Variants in RSPO4 observed in about 807,000 individuals in gnomAD.
RSPO4 encodes R-spondin-4.
In RSPO4, 23 loss-of-function variants were observed where a neutral mutation model predicts 24.8. That is an observed-to-expected ratio of 0.93 (90% CI 0.67 to 1.31). The LOEUF (loss-of-function observed/expected upper bound fraction) is 1.31. Among genes scored for constraint, RSPO4 ranks in the 40% most tolerant of loss-of-function variants. RSPO4 has a pLI of 0.00. For missense variants in RSPO4, 333 were observed against 316.5 expected, an observed-to-expected ratio of 1.05 and a Z score of -0.39; for synonymous variants, 141 against 127.4, an observed-to-expected ratio of 1.11 and a Z score of -0.72.
At chr20:960,852 C>T (rs533448847) in intron 4 of RSPO4, among the ~76,000 whole-genome samples, 7 of 152,342 alleles carry the variant, frequency 4.6e-5, no homozygotes, top group South Asian at 2.1e-4. Flanking sequence ...GTGCTGGACG[C>T]TGGACACCTT....
At chr20:965,186 G>A (rs1275014847) in intron 3 of RSPO4, among the ~76,000 whole-genome samples, 1 of 152,102 alleles carries the variant, frequency 6.6e-6, no homozygotes, top group Non-Finnish European at 1.5e-5. Flanking sequence ...CAGGCACCGT[G>A]GGAGCCCAGA....
intron 3 of RSPO4, among the ~76,000 whole-genome samples, chr20:966,166 C>T (rs1181031739): frequency 6.6e-6 from 1 of 152,088 alleles, no homozygotes; most frequent in Non-Finnish European, 1.5e-5. Context: ...GGGCCATCAG[C>T]AGCTGGAATG....
chr20:967,842 G>T, intron 2 of RSPO4, 108 bp downstream of exon 2: 3 of 1,146,232 alleles, frequency 2.6e-6, no homozygotes, highest in Non-Finnish European at 2.6e-6. Flanking sequence ...TCTGGGCTTA[G>T]ACATGCACCT....
chr20:963,954 G>C lies in RSPO4; in HGVS notation c.576C>G (p.Ile192Met). ...GCTCACCTCCTGGGCAGGGCCTCTG[G>C]ATGGGACATTTCCTTGACTCAGAAA... Reference protein sequence around the residue: ...QVLSESRKCPIQRPCPGERSP... With the variant: ...QVLSESRKCPMQRPCPGERSP... Residue 192 changes from isoleucine to methionine, a missense_variant, in exon 4 of 5, where the codon ATC becomes ATG. Physicochemically the swap from Ile to Met is conservative, Grantham distance 10. Coordinates refer to ENST00000217260, the MANE Select transcript of RSPO4 (RefSeq NM_001029871.4). 1.9e-6 allele frequency: 3 copies of C among 1,613,972 alleles called. No homozygotes were observed. Among genetic ancestry groups the C allele is most frequent in the Non-Finnish European group, 2.5e-6 (3 of 1,180,036 alleles).
rs759136246 is a variant in RSPO4, at chr20:964,022, C to T, written c.508G>A (p.Ala170Thr). 28 of 1,613,688 alleles carry T rather than the reference C, an allele frequency of 1.7e-5. No homozygotes were observed. In the Admixed American group the frequency reaches 4.3e-4, roughly 25 times the overall value. ...GCCTCCTCATGCCCAGCCCGGCCAG[C>T]CTCTCGTACCCGGCTCTCCAGGCCC... is the stretch of plus-strand genomic sequence containing the variant. ...AWGLESRVREAGRAGHEEAAT... is the reference protein window; with the variant it reads ...AWGLESRVRETGRAGHEEAAT... Residue 170 changes from alanine to threonine, a missense_variant, in exon 4 of 5, where the codon GCT becomes ACT. By Grantham distance (58) the Ala-to-Thr change is moderately conservative. Coordinates refer to ENST00000217260, the MANE Select transcript of RSPO4 (RefSeq NM_001029871.4).
At chr20:979,774 C>T (rs984695594) in intron 1 of RSPO4, among the ~76,000 whole-genome samples, 2 of 152,182 alleles carry the variant, frequency 1.3e-5, no homozygotes, top group Admixed American at 6.5e-5. Context: ...CATTTGGGGT[C>T]GCTTTATGTA....
intron 1 of RSPO4, among the ~76,000 whole-genome samples, chr20:997,226 C>T (rs1985322342): frequency 6.6e-6 from 1 of 152,172 alleles, no homozygotes; most frequent in Non-Finnish European, 1.5e-5. Context: ...ATCTCAGTGG[C>T]CTGAATCTCC....
intron 1 of RSPO4, among the ~76,000 whole-genome samples, chr20:991,414 T>C (rs1200793150): frequency 6.6e-6 from 1 of 152,032 alleles, no homozygotes; most frequent in Non-Finnish European, 1.5e-5. Flanking sequence ...CTCTACAAAG[T>C]CAGATTAAAA....
chr20:996,401 T>C (rs571940057), intron 1 of RSPO4, among the ~76,000 whole-genome samples: 1 of 152,204 alleles, frequency 6.6e-6, no homozygotes, highest in African/African-American at 2.4e-5. Context: ...ACCGTATCCA[T>C]GTGACACCTT....
At chr20:966,967 A>G (rs1401355053) in intron 3 of RSPO4, among the ~76,000 whole-genome samples, 1 of 152,228 alleles carries the variant, frequency 6.6e-6, no homozygotes, top group African/African-American at 2.4e-5. Flanking sequence ...TTGTAGTAGT[A>G]ATCATAGTAA....
chr20:989,963 T>C (rs1985042718), intron 1 of RSPO4, among the ~76,000 whole-genome samples: 1 of 152,168 alleles, frequency 6.6e-6, no homozygotes, highest in Non-Finnish European at 1.5e-5. Flanking sequence ...CCCAGGTCCT[T>C]GTACTAAATC....
At position 973,875 on chromosome 20, in the gene RSPO4, G is replaced by A. The variant is rs75541274; in HGVS notation, c.80-5737C>T. On this transcript the variant is annotated intron_variant, in intron 1 of 4. Coordinates refer to ENST00000217260, the MANE Select transcript of RSPO4 (RefSeq NM_001029871.4). ...AGTGGCTGTTTCTGGCCTCATCCTC[G>A]ACCCTGGCAGTTGGCTAGGATGCCC... Among the ~76,000 whole-genome samples the A allele has an allele frequency of 4.4e-3, 673 of 152,218 alleles. 6 individuals carry two copies. The highest frequency in any genetic ancestry group is 0.015 in the African/African-American group (625 of 41,518).
rs554516949 is a variant in RSPO4, at chr20:994,240, T to C, written c.79+7846A>G. On this transcript the variant is annotated intron_variant, in intron 1 of 4. Coordinates refer to ENST00000217260, the MANE Select transcript of RSPO4 (RefSeq NM_001029871.4). The stretch of plus-strand genomic sequence containing the variant: ...TAAGTATTTTTAAAGAAAAAATATG[T>C]TTTGGGGAACATACATGTGTGTAGA... Among the ~76,000 whole-genome samples the C allele has an allele frequency of 9.2e-5, 14 of 152,276 alleles. No individual in the cohort carries two copies. In the East Asian group the frequency reaches 2.5e-3, roughly 27 times the overall value.
chr20:983,741 C>T (rs977568350), intron 1 of RSPO4, among the ~76,000 whole-genome samples: 2 of 152,166 alleles, frequency 1.3e-5, no homozygotes, highest in African/African-American at 2.4e-5. Context: ...CAGGGTTTGG[C>T]TGACATGGGG....
chr20:994,862 C>T (rs1041439429), intron 1 of RSPO4, among the ~76,000 whole-genome samples: 2 of 152,104 alleles, frequency 1.3e-5, no homozygotes, highest in Admixed American at 1.3e-4. Context: ...CTGCGCCTGG[C>T]TCCATCCTGT....
intron 1 of RSPO4, among the ~76,000 whole-genome samples, chr20:973,209 C>T (rs1984462120): frequency 6.6e-6 from 1 of 152,294 alleles, no homozygotes; most frequent in Non-Finnish European, 1.5e-5. Context: ...GGACAAACAG[C>T]CTGGTGGGAG....
intron 1 of RSPO4, among the ~76,000 whole-genome samples, chr20:986,613 A>G (rs1984929620): frequency 7.9e-6 from 1 of 127,090 alleles, no homozygotes; most frequent in Non-Finnish European, 1.6e-5. Flanking sequence ...GCCCAAAGTT[A>G]TTAAGGATTG....
Position 964,791 on chromosome 20 carries a change from CATAT to C in RSPO4, c.410-675_410-672del, listed in dbSNP as rs200872908. Among the ~76,000 whole-genome samples, 1,025 of 122,986 alleles carry C rather than the reference CATAT, an allele frequency of 8.3e-3. 19 individuals carry two copies. The highest frequency in any genetic ancestry group is 0.034 in the African/African-American group (972 of 28,404). 80.7% of individuals were successfully genotyped at this position (122,986 alleles called of 152,430 possible). On this transcript the variant is annotated intron_variant, in intron 3 of 4. Coordinates refer to ENST00000217260, the MANE Select transcript of RSPO4 (RefSeq NM_001029871.4). Reference sequence around the variant, plus strand: ...ACACACACACACATATATATATACACATATATACACACATACACACACACACACA... The same window carrying C: ...ACACACACACACATATATATATACACATACACACATACACACACACACACA...
In RSPO4 at chr20:969,729, C is replaced by A. The variant is rs533917233; in HGVS notation, c.80-1591G>T. On this transcript the variant is annotated intron_variant, in intron 1 of 4. Transcript: ENST00000217260. ...TGGGAGGTGCCCCAGCAGTAAGAGG[C>A]AGCAGGGGAGACCACTGGGAGTAGG... Among the ~76,000 whole-genome samples the A allele has an allele frequency of 3.9e-5, 6 of 152,200 alleles. No individual in the cohort carries two copies. The South Asian group carries it at 1.2e-3, about 32-fold the overall frequency.
Sources: allele counts gnomAD v4.1 joint callset (sites outside exome capture counted in the v4.1 genomes callset), GRCh38; gene constraint gnomAD v4.1.1; transcripts MANE v1.5; gene names NCBI Gene and HGNC (gene_info 2026-07-23, HGNC 2026-07-21).